The following THRB variants were observed in gnomAD, a reference collection of about 807,000 sequenced individuals.
THRB encodes the protein thyroid hormone receptor beta.
THRB carries 12 observed loss-of-function variants against 47.8 expected under a neutral mutation model. That is an observed-to-expected ratio of 0.25 (90% CI 0.16 to 0.41). The LOEUF (loss-of-function observed/expected upper bound fraction) is 0.41, where lower values mean the gene tolerates loss of function less well. Among genes scored for constraint, THRB ranks in the 10% least tolerant of loss-of-function variants. The pLI is 1.00. For missense variants in THRB, 348 were observed against 589.2 expected, an observed-to-expected ratio of 0.59 and a Z score of 4.24; for synonymous variants, 218 against 212.2, an observed-to-expected ratio of 1.03 and a Z score of -0.24.
intron 8 of THRB, among the ~76,000 whole-genome samples, chr3:24,143,142 C>T (rs2035659041): frequency 6.6e-6 from 1 of 152,136 alleles, no homozygotes; most frequent in Admixed American, 6.5e-5. Context: ...TATGTATATA[C>T]TGGGCATCTA....
rs149588565 is a variant in THRB at position 24,120,925 on chromosome 3, G to A, written c.*1959C>T. 32 of 151,962 alleles carry A rather than the reference G, an allele frequency of 2.1e-4. No homozygotes were observed. Among genetic ancestry groups the A allele is most frequent in the East Asian group, 1.5e-3 (8 of 5,178 alleles). 9.4% of individuals were successfully genotyped at this position (151,962 alleles called of 1,614,324 possible). ...TCATGCATTGAATATTTAATTCCCC[G>A]CTCCCAGATAATTTCCAATCATACT... is the stretch of plus-strand genomic sequence containing the variant. On this transcript the variant is annotated 3_prime_UTR_variant, in exon 11 of 11. Transcript: ENST00000646209.
intron 5 of THRB, among the ~76,000 whole-genome samples, chr3:24,166,966 G>A (rs2039720988): frequency 6.6e-6 from 1 of 152,010 alleles, no homozygotes; most frequent in Admixed American, 6.6e-5. Flanking sequence ...ACAAAGCAAG[G>A]AGTTGGTGGC....
chr3:24,365,726 G>T (rs2064409331), intron 1 of THRB, among the ~76,000 whole-genome samples: 1 of 152,024 alleles, frequency 6.6e-6, no homozygotes. Context: ...AAAACTGCAT[G>T]GTACAATTAC....
At chr3:24,167,450 A>G (rs563451634) in intron 5 of THRB, among the ~76,000 whole-genome samples, 50 of 152,288 alleles carry the variant, frequency 3.3e-4, no homozygotes, top group African/African-American at 1.1e-3. Flanking sequence ...ATTACAATTA[A>G]CATTTTCTCC....
At chr3:24,442,365 TG>T (rs2071612665) in intron 1 of THRB, among the ~76,000 whole-genome samples, 1 of 152,132 alleles carries the variant, frequency 6.6e-6, no homozygotes, top group Non-Finnish European at 1.5e-5. Flanking sequence ...AGGTTGTTAG[TG>T]GTGGAGCTGG....
chr3:24,492,136 CATA>C (rs1698238777), intron 1 of THRB, among the ~76,000 whole-genome samples: 1 of 152,202 alleles, frequency 6.6e-6, no homozygotes, highest in African/African-American at 2.4e-5. Flanking sequence ...TTTTTGAGAA[CATA>C]ATATTTGGAC....
chr3:24,465,828 T>A (rs2074102195), intron 1 of THRB, among the ~76,000 whole-genome samples: 1 of 152,212 alleles, frequency 6.6e-6, no homozygotes, highest in African/African-American at 2.4e-5. Context: ...TTAAACAGAC[T>A]TTAAAAATTG....
chr3:24,291,518 A>G (rs1461933122), intron 3 of THRB, among the ~76,000 whole-genome samples: 1 of 152,224 alleles, frequency 6.6e-6, no homozygotes, highest in Non-Finnish European at 1.5e-5. Flanking sequence ...AAACCTACAG[A>G]CATTCTCCCA....
At chr3:24,362,547 T>C (rs1157373978) in intron 1 of THRB, among the ~76,000 whole-genome samples, 2 of 152,148 alleles carry the variant, frequency 1.3e-5, no homozygotes, top group East Asian at 1.9e-4. Flanking sequence ...TCCAACACTG[T>C]ACTTATTGAT....
chr3:24,179,439 A>G (rs892571391), intron 5 of THRB, among the ~76,000 whole-genome samples: 1 of 152,246 alleles, frequency 6.6e-6, no homozygotes, highest in Non-Finnish European at 1.5e-5. Context: ...AAACACATAC[A>G]GAGAATGAGA....
At chr3:24,236,458 G>A (rs1476870866) in intron 3 of THRB, among the ~76,000 whole-genome samples, 2 of 152,078 alleles carry the variant, frequency 1.3e-5, no homozygotes, top group African/African-American at 4.8e-5. Flanking sequence ...TATTATTATA[G>A]GCATCATCAT....
chr3:24,217,823 A>G (rs1051882830), intron 4 of THRB, among the ~76,000 whole-genome samples: 1 of 152,220 alleles, frequency 6.6e-6, no homozygotes, highest in Non-Finnish European at 1.5e-5. Context: ...TAAAAAATTA[A>G]GCAACAATAA....
chr3:24,345,214 A>T (rs1329857017), intron 1 of THRB, among the ~76,000 whole-genome samples: 1 of 152,170 alleles, frequency 6.6e-6, no homozygotes, highest in Non-Finnish European at 1.5e-5. Flanking sequence ...GAAACACAGC[A>T]TCAGTTTACT....
intron 4 of THRB, among the ~76,000 whole-genome samples, chr3:24,206,023 G>A (rs1321313009): frequency 2.0e-5 from 3 of 152,122 alleles, no homozygotes; most frequent in Non-Finnish European, 4.4e-5. Context: ...GACCTACAAA[G>A]AGACTTAGAC....
intron 1 of THRB, among the ~76,000 whole-genome samples, chr3:24,439,685 C>A (rs35570323): frequency 0.28 from 42,682 of 152,118 alleles, 6,385 homozygotes; most frequent in Admixed American, 0.34. Flanking sequence ...TTGCTATTAA[C>A]TACATGTTGG....
intron 5 of THRB, among the ~76,000 whole-genome samples, chr3:24,179,848 C>T (rs757409216): frequency 2.8e-4 from 42 of 152,056 alleles, no homozygotes; most frequent in Non-Finnish European, 5.3e-4. Context: ...AATCATAGAA[C>T]GGGCATTCAT....
At chr3:24,132,059 T>C (rs191061007) in intron 9 of THRB, among the ~76,000 whole-genome samples, 3 of 152,242 alleles carry the variant, frequency 2.0e-5, no homozygotes, top group Non-Finnish European at 2.9e-5. Flanking sequence ...ATGTCTGAGG[T>C]CTCTGTGTCC....
At chr3:24,231,735 A>G (rs2048282429) in intron 3 of THRB, among the ~76,000 whole-genome samples, 1 of 152,112 alleles carries the variant, frequency 6.6e-6, no homozygotes, top group Non-Finnish European at 1.5e-5. Flanking sequence ...CTCCTGTCCT[A>G]CATGGTGGGT....
rs1491098877 is a variant in THRB at position 24,299,787 on chromosome 3, TTA to T, written c.-188-2418_-188-2417del. 1.3e-3 allele frequency among the ~76,000 whole-genome samples: 87 copies of T among 68,704 alleles called. 3 individuals carry two copies. Among genetic ancestry groups the T allele is most frequent in the Admixed American group, 1.9e-3 (11 of 5,662 alleles). The allele number at this position is 68,704 out of a possible 152,430, so 45.1% of individuals were successfully genotyped here. ...TATGCTTTTTTATTTATTTATTTAT[TTA>T]TTTTTTTTTTTTTAGCAAACATACC... On this transcript the variant is annotated intron_variant, in intron 2 of 10. Coordinates refer to ENST00000646209, the MANE Select transcript of THRB (RefSeq NM_001354712.2).
Sources: gnomAD v4.1 joint callset for allele counts (sites outside exome capture counted in the v4.1 genomes callset) on GRCh38, gnomAD v4.1.1 for gene constraint, MANE v1.5 for transcripts, NCBI Gene and HGNC (gene_info 2026-07-23, HGNC 2026-07-21) for gene names.